The following PCDHGA1 variants were observed in gnomAD, a reference collection of about 807,000 sequenced individuals.
PCDHGA1 encodes the protein protocadherin gamma-A1.
In PCDHGA1, 32 loss-of-function variants were observed where a neutral mutation model predicts 58.0. That is an observed-to-expected ratio of 0.55 (90% CI 0.42 to 0.74). The LOEUF (loss-of-function observed/expected upper bound fraction) is 0.74, where lower values mean the gene tolerates loss of function less well. Ranked by LOEUF, PCDHGA1 falls within the 30% of genes least tolerant of loss-of-function variation. The probability of loss-of-function intolerance (pLI) is 0.00; values close to 1 mark genes in which losing one functional copy is unlikely to be tolerated. For missense variants in PCDHGA1, 1,205 were observed against 1,182.3 expected (o/e 1.02, Z -0.28); for synonymous variants, 498 against 501.1 (o/e 0.99, Z 0.08).
rs1057374827 is a variant in PCDHGA1, at chr5:141,485,503, C to G, written c.2422-9304C>G. 3.1e-6 allele frequency: 5 copies of G among 1,613,978 alleles called. No homozygotes were observed. Among genetic ancestry groups the G allele is most frequent in the Non-Finnish European group, 4.2e-6 (5 of 1,180,016 alleles). On this transcript the variant is annotated intron_variant, in intron 1 of 3. Coordinates refer to ENST00000517417, the MANE Select transcript of PCDHGA1 (RefSeq NM_018912.3). This position sits in a 1 kb window ranked among gnomAD's most constrained non-coding sequence, Gnocchi z 5.7. ...GCATCGTGCCCCTGGAGTTTGTCACCGAAGGTCCTTTGGAAATGTACCGAG... is the reference window on the plus strand; with the variant it reads ...GCATCGTGCCCCTGGAGTTTGTCACGGAAGGTCCTTTGGAAATGTACCGAG...
Position 141,423,964 on chromosome 5 carries a change from A to G in PCDHGA1, c.2422-70843A>G, listed in dbSNP as rs569611136. On this transcript the variant is annotated intron_variant, in intron 1 of 3. Coordinates refer to ENST00000517417, the MANE Select transcript of PCDHGA1 (RefSeq NM_018912.3). ...AGTTGAATTTTAGTATTATTTTTCT[A>G]TTATCAGTGTATGAGGCTCTCAATT... The G allele has an allele frequency of 5.2e-5, 61 of 1,163,648 alleles. 2 individuals carry two copies. In the South Asian group the frequency reaches 1.7e-3, roughly 32 times the overall value. 72.1% of individuals were successfully genotyped at this position (1,163,648 alleles called of 1,614,324 possible).
chr5:141,457,480 G>A lies in PCDHGA1; in HGVS notation c.2422-37327G>A, dbSNP rs566798464. ...GATTCACAGGAATAAGCAGGGCCAGGGTTAGTCTAAAATGTAGGCAAAAAG... is the reference window on the plus strand; with the variant it reads ...GATTCACAGGAATAAGCAGGGCCAGAGTTAGTCTAAAATGTAGGCAAAAAG... On this transcript the variant is annotated intron_variant, in intron 1 of 3. Transcript: ENST00000517417. 2.0e-5 allele frequency among the ~76,000 whole-genome samples: 3 copies of A among 152,266 alleles called. No individual in the cohort carries two copies. In the South Asian group the frequency reaches 6.2e-4, roughly 32 times the overall value.
At chr5:141,357,638 A>G (rs765041890) in intron 1 of PCDHGA1, 1 of 1,612,576 alleles carries the variant, frequency 6.2e-7, no homozygotes, top group Non-Finnish European at 8.5e-7. Context: ...CAATCTTATA[A>G]TAGATCATAC....
intron 1 of PCDHGA1, chr5:141,340,790 C>G (rs1297791838): frequency 6.8e-6 from 11 of 1,613,910 alleles, no homozygotes; most frequent in Non-Finnish European, 9.3e-6. Context: ...GCTGTCTTAC[C>G]ACCTGCTCAA....
At chr5:141,482,338 T>C (rs2099556539) in intron 1 of PCDHGA1, among the ~76,000 whole-genome samples, 1 of 152,156 alleles carries the variant, frequency 6.6e-6, no homozygotes, top group African/African-American at 2.4e-5. Context: ...ATATCTACTT[T>C]GCAAACTTGT....
At chr5:141,371,443 C>T in intron 1 of PCDHGA1, 1 of 1,613,978 alleles carries the variant, frequency 6.2e-7, no homozygotes, top group Non-Finnish European at 8.5e-7. Flanking sequence ...ATAACCCTGG[C>T]TTCTGAATCC....
chr5:141,496,467 T>A (rs1334392771), intron 2 of PCDHGA1, among the ~76,000 whole-genome samples: 1 of 152,056 alleles, frequency 6.6e-6, no homozygotes, highest in Non-Finnish European at 1.5e-5. Context: ...GAGTTATCTT[T>A]CCCCCATCCT....
rs2099631185 is a variant in PCDHGA1, at chr5:141,486,568, T to C, written c.2422-8239T>C. Reference sequence around the variant, plus strand: ...AGAGGTCACATGAGGTGTTTGTTCCTGAGAACAATCGCCCAGGGGACCTGC... The same window carrying C: ...AGAGGTCACATGAGGTGTTTGTTCCCGAGAACAATCGCCCAGGGGACCTGC... On this transcript the variant is annotated intron_variant, in intron 1 of 3. Coordinates refer to ENST00000517417, the MANE Select transcript of PCDHGA1 (RefSeq NM_018912.3). The surrounding 1 kb of genome is among the most constrained non-coding windows in gnomAD (Gnocchi z 5.0). 1.9e-6 allele frequency: 3 copies of C among 1,613,862 alleles called. No homozygotes were observed. The South Asian group carries it at 3.3e-5, about 18-fold the overall frequency.
chr5:141,394,317 T>C, intron 1 of PCDHGA1: 1 of 1,613,972 alleles, frequency 6.2e-7, no homozygotes, highest in Non-Finnish European at 8.5e-7. Flanking sequence ...GGCGCCCCTG[T>C]CCTCGTATAT....
Position 141,490,800 on chromosome 5 carries a change from TACCTTTG to T in PCDHGA1, c.2422-4004_2422-3998del, listed in dbSNP as rs763340907. Reference sequence around the variant, plus strand: ...AGGATGGACGGATCTTTGCCCAGCGTACCTTTGACTATGAATTGCTGCAGATGCTGCA... The same window carrying T: ...AGGATGGACGGATCTTTGCCCAGCGTACTATGAATTGCTGCAGATGCTGCA... On this transcript the variant is annotated intron_variant, in intron 1 of 3. Transcript: ENST00000517417. The surrounding 1 kb of genome is among the most constrained non-coding windows in gnomAD (Gnocchi z 5.4). 2.5e-6 allele frequency: 4 copies of T among 1,613,968 alleles called. No homozygotes were observed. The highest frequency in any genetic ancestry group is 1.7e-6 in the Non-Finnish European group (2 of 1,179,894).
chr5:141,422,331 T>C (rs768333038), intron 1 of PCDHGA1: 1 of 1,548,508 alleles, frequency 6.5e-7, no homozygotes, highest in South Asian at 1.3e-5. Context: ...CAGTGATTGC[T>C]CTTCTAAATG....
At chr5:141,377,663 A>C (rs1774232971) in intron 1 of PCDHGA1, 1 of 152,130 alleles carries the variant, frequency 6.6e-6, no homozygotes, top group African/African-American at 2.4e-5. Context: ...TAAACGACAG[A>C]CGTTCATACA....
intron 1 of PCDHGA1, among the ~76,000 whole-genome samples, chr5:141,463,128 A>G (rs914895217): frequency 1.5e-4 from 23 of 152,190 alleles, no homozygotes; most frequent in Admixed American, 1.4e-3. Context: ...GCTCCCTGGC[A>G]GTTCTTCGCC....
intron 1 of PCDHGA1, among the ~76,000 whole-genome samples, chr5:141,337,534 A>T (rs1436313418): frequency 6.6e-6 from 1 of 152,234 alleles, no homozygotes; most frequent in Non-Finnish European, 1.5e-5. Context: ...AATGACAAAT[A>T]CTGTATGATT....
intron 1 of PCDHGA1, chr5:141,408,394 C>T: frequency 6.2e-7 from 1 of 1,614,034 alleles, no homozygotes; most frequent in Non-Finnish European, 8.5e-7. Flanking sequence ...TGTCGGCTCG[C>T]AAGCTGCGAG....
At chr5:141,508,662 T>G (rs2099870759) in intron 3 of PCDHGA1, among the ~76,000 whole-genome samples, 1 of 152,122 alleles carries the variant, frequency 6.6e-6, no homozygotes, top group Non-Finnish European at 1.5e-5. Context: ...CCTGTCATTC[T>G]GTCTCTGCCT....
chr5:141,383,575 G>A (rs1229661535), intron 1 of PCDHGA1: 17 of 1,613,114 alleles, frequency 1.1e-5, no homozygotes, highest in Non-Finnish European at 1.4e-5. Context: ...ATCCAGCACC[G>A]CCCACATCCA....
intron 1 of PCDHGA1, chr5:141,361,627 C>A (rs1389094962): frequency 6.2e-7 from 1 of 1,613,918 alleles, no homozygotes; most frequent in East Asian, 2.2e-5. Context: ...CGACCTGAAG[C>A]CGCGGGAGAT....
intron 1 of PCDHGA1, chr5:141,394,379 T>G: frequency 6.2e-7 from 1 of 1,614,160 alleles, no homozygotes; most frequent in Non-Finnish European, 8.5e-7. Context: ...CTTTCGACTA[T>G]GAGCAGATCC....
Sources: gnomAD v4.1 joint callset for allele counts (sites outside exome capture counted in the v4.1 genomes callset) on GRCh38, gnomAD v4.1.1 for gene constraint, Gnocchi (gnomAD v3.1) non-coding constraint, MANE v1.5 for transcripts, NCBI Gene and HGNC (gene_info 2026-07-23, HGNC 2026-07-21) for gene names.